Variants in VIPR2 observed in about 807,000 individuals in gnomAD.
VIPR2 encodes vasoactive intestinal polypeptide receptor 2.
A neutral mutation model predicts 58.0 loss-of-function variants in VIPR2; 48 were observed. That is an observed-to-expected ratio of 0.83 (90% confidence interval 0.66 to 1.05). VIPR2 has a LOEUF of 1.05. Among genes scored for constraint, VIPR2 ranks in the 50% least tolerant of loss-of-function variants. VIPR2 has a pLI of 0.00. For missense variants in VIPR2, 534 were observed against 558.0 expected, an observed-to-expected ratio of 0.96 and a Z score of 0.43; for synonymous variants, 243 against 235.2, an observed-to-expected ratio of 1.03 and a Z score of -0.30.
chr7:159,084,282 TGA>T (rs1442305809), intron 4 of VIPR2, among the ~76,000 whole-genome samples: 1 of 151,640 alleles, frequency 6.6e-6, no homozygotes, highest in Non-Finnish European at 1.5e-5. Context: ...GGCGGGAGGA[TGA>T]GAGTGCTCGG....
At chr7:159,035,625 A>T (rs532592476) in intron 8 of VIPR2, 6 of 945,906 alleles carry the variant, frequency 6.3e-6, no homozygotes, top group African/African-American at 1.8e-5. Flanking sequence ...TGCTCCGGGT[A>T]AACAACATGC....
At chr7:159,132,914 A>ATTGATTTGAGACAGAATGATTGGCATACC (rs1797016696) in intron 2 of VIPR2, among the ~76,000 whole-genome samples, 4 of 43,430 alleles carry the variant, frequency 9.2e-5, no homozygotes, top group Admixed American at 5.1e-4. Context: ...ATTGGCATAC[A>ATTGATTTGAGACAGAATGATTGGCATACC]GATTGATTTC....
In VIPR2 at chr7:159,030,574, G is replaced by GA. The variant is rs1853480411; in HGVS notation, c.*41dup. 6.7e-7 allele frequency: 1 copy of GA among 1,494,046 alleles called. No individual in the cohort carries two copies. Among genetic ancestry groups the GA allele is most frequent in the African/African-American group, 1.4e-5 (1 of 71,274 alleles). The allele number at this position is 1,494,046 out of a possible 1,614,324, so 92.5% of individuals were successfully genotyped here. A position where few individuals can be genotyped will look rare whatever the true frequency, so the allele number is the denominator to read the frequency against. On this transcript the variant is annotated 3_prime_UTR_variant, in exon 13 of 13. Coordinates refer to ENST00000262178, the MANE Select transcript of VIPR2 (RefSeq NM_003382.5). ...GGCGTCTCAGCCCCGCAGAAGCCCC[G>GA]AACCGTGGGCCTCCCGCCGCGTCCG...
intron 4 of VIPR2, among the ~76,000 whole-genome samples, chr7:159,088,291 A>T (rs1441203701): frequency 1.3e-5 from 2 of 152,164 alleles, no homozygotes; most frequent in Non-Finnish European, 1.5e-5. Context: ...GTACACCTGA[A>T]CACCCGCATA....
chr7:159,039,732 T>A (rs1192925491), intron 6 of VIPR2, among the ~76,000 whole-genome samples: 1 of 152,082 alleles, frequency 6.6e-6, no homozygotes, highest in African/African-American at 2.4e-5. Context: ...CCTCCAGAAC[T>A]GAGAAGTAAA....
intron 2 of VIPR2, among the ~76,000 whole-genome samples, chr7:159,131,282 C>T (rs556422471): frequency 2.0e-5 from 3 of 151,658 alleles, no homozygotes; most frequent in African/African-American, 7.3e-5. Context: ...CTCTCAGGAC[C>T]CCCAAACTCT....
chr7:159,138,523 A>G (rs1005128918), intron 2 of VIPR2, among the ~76,000 whole-genome samples: 2 of 152,258 alleles, frequency 1.3e-5, no homozygotes, highest in African/African-American at 2.4e-5. Flanking sequence ...CTAAAAGTCC[A>G]TGGACCTGGG....
intron 4 of VIPR2, among the ~76,000 whole-genome samples, chr7:159,071,676 A>T (rs1053193752): frequency 6.6e-6 from 1 of 152,250 alleles, no homozygotes; most frequent in Non-Finnish European, 1.5e-5. Flanking sequence ...TTAGATCCAG[A>T]GGAGACTTCT....
chr7:159,135,361 G>A (rs1585567968), intron 2 of VIPR2, among the ~76,000 whole-genome samples: 2 of 152,144 alleles, frequency 1.3e-5, no homozygotes, highest in African/African-American at 4.8e-5. Flanking sequence ...CAACCCAGGA[G>A]GCAAAGGTTG....
At chr7:159,123,816 AT>A (rs1482997002) in intron 2 of VIPR2, among the ~76,000 whole-genome samples, 1 of 151,884 alleles carries the variant, frequency 6.6e-6, no homozygotes, top group Non-Finnish European at 1.5e-5. Flanking sequence ...AGCATCTGTT[AT>A]TTTTTTACTT....
rs528953917 is a variant in VIPR2 at position 159,101,106 on chromosome 7, G to A, written c.357+2651C>T. 8.6e-3 allele frequency among the ~76,000 whole-genome samples: 1,270 copies of A among 147,708 alleles called. 15 individuals are homozygous for A. The highest frequency in any genetic ancestry group is 0.03 in the African/African-American group (1,167 of 38,928). On this transcript the variant is annotated intron_variant, in intron 4 of 12. Coordinates refer to ENST00000262178, the MANE Select transcript of VIPR2 (RefSeq NM_003382.5). ...GTGAACGGGTCTCACGAGATCCGAC[G>A]AGGCGGTTCCGACTGTTCCTGTGGT...
rs1264119686 is a variant in VIPR2 at position 159,031,417 on chromosome 7, CG to C, written c.1143+410del. 1.0e-6 allele frequency: 1 copy of C among 984,160 alleles called. No individual in the cohort carries two copies. Among genetic ancestry groups the C allele is most frequent in the African/African-American group, 1.7e-5 (1 of 57,320 alleles). The allele number at this position is 984,160 out of a possible 1,614,324, so 61.0% of individuals were successfully genotyped here. On this transcript the variant is annotated intron_variant, in intron 12 of 12. Coordinates refer to ENST00000262178, the MANE Select transcript of VIPR2 (RefSeq NM_003382.5). The surrounding 1 kb of genome is among the most constrained non-coding windows in gnomAD (Gnocchi z 4.0). ...ATGAACGCAGGGCAGAGCTCGGCTC[CG>C]GGCTTCCTCCCCAGGGACTCACAGG...
Position 159,135,026 on chromosome 7 carries a change from TTTTTA to T in VIPR2, c.151+7415_151+7419del, listed in dbSNP as rs1430145483. 6.5e-3 allele frequency among the ~76,000 whole-genome samples: 650 copies of T among 99,914 alleles called. 18 individuals carry two copies. The highest frequency in any genetic ancestry group is 0.012 in the Non-Finnish European group (541 of 46,732). 65.5% of individuals were successfully genotyped at this position (99,914 alleles called of 152,430 possible). A position where few individuals can be genotyped will look rare whatever the true frequency, so the allele number is the denominator to read the frequency against. ...AAAGTTTTTTTTTTTTTTTTTTTTTTTTTTAACATTTTAAGTAATTGGCCTAGAAA... is the reference window on the plus strand; with the variant it reads ...AAAGTTTTTTTTTTTTTTTTTTTTTTACATTTTAAGTAATTGGCCTAGAAA... On this transcript the variant is annotated intron_variant, in intron 2 of 12. Coordinates refer to ENST00000262178, the MANE Select transcript of VIPR2 (RefSeq NM_003382.5).
intron 2 of VIPR2, among the ~76,000 whole-genome samples, chr7:159,141,167 C>G (rs1330044226): frequency 6.6e-6 from 1 of 152,214 alleles, no homozygotes; most frequent in Admixed American, 6.5e-5. Flanking sequence ...GGCAGACTGG[C>G]TGCCTCCTCC....
chr7:159,059,923 C>A (rs565586387), intron 4 of VIPR2, among the ~76,000 whole-genome samples: 9 of 151,430 alleles, frequency 5.9e-5, no homozygotes, highest in African/African-American at 2.2e-4. Flanking sequence ...CTCATCTAAC[C>A]ATCCCCTTCA....
intron 3 of VIPR2, 68 bp downstream of exon 3, chr7:159,109,744 A>C: frequency 7.0e-7 from 1 of 1,437,674 alleles, no homozygotes; most frequent in Non-Finnish European, 9.8e-7. Flanking sequence ...TGCTTCTTGG[A>C]TGGAAAAAAT....
chr7:159,144,238 C>G, intron 1 of VIPR2: 1 of 1,319,756 alleles, frequency 7.6e-7, no homozygotes, highest in South Asian at 2.3e-5. Flanking sequence ...GAAAAAGCAA[C>G]TATTTCCAAA....
At chr7:159,085,902 G>A (rs1204272094) in intron 4 of VIPR2, among the ~76,000 whole-genome samples, 20 of 152,142 alleles carry the variant, frequency 1.3e-4, no homozygotes, top group Admixed American at 4.6e-4. Flanking sequence ...CAGCGAGGAC[G>A]ACCCGCGCGA....
At chr7:159,090,252 CAGT>C (rs1187305841) in intron 4 of VIPR2, among the ~76,000 whole-genome samples, 14 of 123,964 alleles carry the variant, frequency 1.1e-4, no homozygotes, top group Admixed American at 3.1e-4. Context: ...TCACAATCCC[CAGT>C]GACCTCAGCA....
Sources: gnomAD v4.1 joint callset for allele counts (sites outside exome capture counted in the v4.1 genomes callset) on GRCh38, gnomAD v4.1.1 for gene constraint, Gnocchi (gnomAD v3.1) non-coding constraint, MANE v1.5 for transcripts, NCBI Gene and HGNC (gene_info 2026-07-23, HGNC 2026-07-21) for gene names.